The following CFHR2 variants were observed in gnomAD, a reference collection of about 807,000 sequenced individuals.
CFHR2 encodes the protein complement factor H related 2.
CFHR2 carries 22 observed loss-of-function variants against 21.7 expected under a neutral mutation model. The observed-to-expected ratio is 1.01, with a 90% CI of 0.72 to 1.45. The LOEUF is 1.45. Ranked by LOEUF, CFHR2 falls within the 40% of genes most tolerant of loss-of-function variation. CFHR2 has a pLI of 0.00. For synonymous variants in CFHR2, 98 were observed against 97.4 expected, an observed-to-expected ratio of 1.01 and a Z score of -0.04; for missense variants, 294 against 293.3, an observed-to-expected ratio of 1.00 and a Z score of -0.02.
chr1:196,958,043 G>A lies in CFHR2; in HGVS notation c.583G>A (p.Gly195Arg), dbSNP rs1292253345. 5.0e-6 allele frequency: 8 copies of A among 1,613,418 alleles called. No individual in the cohort carries two copies. The highest frequency in any genetic ancestry group is 5.9e-6 in the Non-Finnish European group (7 of 1,179,578). The change falls in exon 4 of 5, where the codon GGA becomes AGA. Residue 195 changes from glycine (G) to arginine (R), a missense_variant. Gly to Arg is a moderately radical substitution (Grantham distance 125, BLOSUM62 -2). Transcript: ENST00000367415. ...TAACAATCAAATAACATGTAGAAAC[G>A]GACAATGGTCAGAACCACCAAAATG... ...EGNNQITCRN[G>R]QWSEPPKCLD...
chr1:196,948,844 C>A (rs1336027583), intron 1 of CFHR2, among the ~76,000 whole-genome samples: 1 of 151,798 alleles, frequency 6.6e-6, no homozygotes, highest in African/African-American at 2.4e-5. Flanking sequence ...ACAACATTAA[C>A]CAGAATTTAG....
At chr1:196,953,740 C>T (rs1190229049) in intron 3 of CFHR2, among the ~76,000 whole-genome samples, 1 of 152,064 alleles carries the variant, frequency 6.6e-6, no homozygotes, top group African/African-American at 2.4e-5. Flanking sequence ...GTGGGATTTG[C>T]TTGAGTAAAC....
intron 4 of CFHR2, among the ~76,000 whole-genome samples, chr1:196,958,415 T>A (rs9427937): frequency 0.011 from 1,570 of 145,182 alleles, 8 homozygotes; most frequent in African/African-American, 0.025. Flanking sequence ...TGTGTGTGTG[T>A]GAGAGAGAGA....
chr1:196,947,129 ATGTGTGTGTGTG>A (rs60284392), intron 1 of CFHR2, among the ~76,000 whole-genome samples: 1 of 148,556 alleles, frequency 6.7e-6, no homozygotes, highest in Non-Finnish European at 1.5e-5. Context: ...GTATATATGT[ATGTGTGTGTGTG>A]TGTGTGTGTG....
At chr1:196,958,136 T>G in intron 4 of CFHR2, 63 bp downstream of exon 4, 1 of 1,492,590 alleles carries the variant, frequency 6.7e-7, no homozygotes, top group Non-Finnish European at 9.3e-7. Context: ...GATATTTCAC[T>G]GTTTGTAATA....
chr1:196,955,258 C>T (rs1329784404), intron 3 of CFHR2, among the ~76,000 whole-genome samples: 1 of 152,160 alleles, frequency 6.6e-6, no homozygotes, highest in Non-Finnish European at 1.5e-5. Flanking sequence ...GCTCCAGTTC[C>T]TAATAAGTTT....
chr1:196,958,123 T>G, intron 4 of CFHR2, 50 bp downstream of exon 4: 1 of 1,533,230 alleles, frequency 6.5e-7, no homozygotes, highest in Non-Finnish European at 9.0e-7. Context: ...GTGTGATGAG[T>G]CTGATATTTC....
In CFHR2 at chr1:196,949,775, G is replaced by A. The variant is rs116822481; in HGVS notation, c.253+126G>A. The A allele has an allele frequency of 1.5e-3, 1,762 of 1,206,790 alleles. 21 individuals are homozygous for A. In the African/African-American group the frequency reaches 0.024, roughly 16 times the overall value. 74.8% of individuals were successfully genotyped at this position (1,206,790 alleles called of 1,614,324 possible). ...CAGAGGAGCTGGAAAGATGGGAGAT[G>A]TAGTCCTTCTATTTTGAGATGGCTC... On this transcript the variant is annotated intron_variant, in intron 2 of 4. Coordinates refer to ENST00000367415, the MANE Select transcript of CFHR2 (RefSeq NM_005666.4).
Position 196,958,021 on chromosome 1 carries a change from C to T in CFHR2, c.561C>T (p.Asn187=). 2 of 1,613,618 alleles carry T rather than the reference C, an allele frequency of 1.2e-6. No homozygotes were observed. The highest frequency in any genetic ancestry group is 8.5e-7 in the Non-Finnish European group (1 of 1,179,714). Residue 187 remains asparagine (N), a synonymous_variant, in exon 4 of 5, where the codon AAC becomes AAT. Transcript: ENST00000367415. ...QCQNLYQLEG[N]NQITCRNGQW... is the part of the protein sequence containing the mutation. ...AGAACTTGTATCAACTTGAGGGTAA[C>T]AATCAAATAACATGTAGAAACGGAC...
chr1:196,946,978 G>A (rs911076341), intron 1 of CFHR2, among the ~76,000 whole-genome samples: 18 of 152,154 alleles, frequency 1.2e-4, no homozygotes, highest in African/African-American at 4.3e-4. Flanking sequence ...AAACATGTGA[G>A]TAATATATTA....
chr1:196,949,699 A>C, intron 2 of CFHR2, 50 bp downstream of exon 2: 1 of 1,603,006 alleles, frequency 6.2e-7, no homozygotes, highest in Non-Finnish European at 8.5e-7. Context: ...TGAACAGAGA[A>C]GGATATGCCA....
intron 1 of CFHR2, among the ~76,000 whole-genome samples, chr1:196,947,127 GTA>G (rs1025654495): frequency 1.8e-4 from 26 of 147,990 alleles, no homozygotes; most frequent in Admixed American, 6.0e-4. Context: ...CTGTATATAT[GTA>G]TGTGTGTGTG....
chr1:196,957,986 T>C lies in CFHR2; in HGVS notation c.526T>C (p.Tyr176His), dbSNP rs751574384. ...ATATGCTCCAGGTTCATCAGTTGAG[T>C]ACCAGTGCCAGAACTTGTATCAACT... ...SVYAPGSSVE[Y>H]QCQNLYQLEG... is the part of the protein sequence containing the mutation. Residue 176 changes from tyrosine (Y) to histidine (H), a missense_variant, in exon 4 of 5, where the codon TAC becomes CAC. Tyr to His is a moderately conservative substitution (Grantham distance 83). Coordinates refer to ENST00000367415, the MANE Select transcript of CFHR2 (RefSeq NM_005666.4). 5 of 1,613,564 alleles carry C rather than the reference T, an allele frequency of 3.1e-6. No homozygotes were observed. The highest frequency in any genetic ancestry group is 1.7e-5 in the Admixed American group (1 of 59,994).
chr1:196,947,924 T>C (rs1209375321), intron 1 of CFHR2, among the ~76,000 whole-genome samples: 1 of 152,134 alleles, frequency 6.6e-6, no homozygotes, highest in Non-Finnish European at 1.5e-5. Context: ...GGAAGTGGTA[T>C]ATAGAAATCT....
At chr1:196,948,339 G>C (rs1275820694) in intron 1 of CFHR2, among the ~76,000 whole-genome samples, 1 of 152,054 alleles carries the variant, frequency 6.6e-6, no homozygotes, top group South Asian at 2.1e-4. Flanking sequence ...TTAGTGGCAT[G>C]ATCTCGGCTC....
intron 4 of CFHR2, 40 bp from the exon 5 acceptor site, chr1:196,958,841 T>A (rs1653006229): frequency 7.7e-7 from 1 of 1,303,132 alleles, no homozygotes; most frequent in East Asian, 2.4e-5. Flanking sequence ...AAGATTTGCA[T>A]ACTACTTAAT....
In CFHR2 at chr1:196,953,266, A is replaced by AC. The variant is rs2125010539; in HGVS notation, c.430+2238_430+2239insC. On this transcript the variant is annotated intron_variant, in intron 3 of 4. Coordinates refer to ENST00000367415, the MANE Select transcript of CFHR2 (RefSeq NM_005666.4). ...AGATTATTTATTTATTTATTTATTT[A>AC]TTTATTTACTTACTTATTTACTTAT... Among the ~76,000 whole-genome samples, 3 of 151,924 alleles carry AC rather than the reference A, an allele frequency of 2.0e-5. No homozygotes were observed. In the East Asian group the frequency reaches 5.8e-4, roughly 29 times the overall value.
chr1:196,959,318 C>T lies in CFHR2; in HGVS notation c.*238C>T, dbSNP rs542039712. 2 of 408,976 alleles carry T rather than the reference C, an allele frequency of 4.9e-6. No individual in the cohort carries two copies. The highest frequency in any genetic ancestry group is 3.3e-5 in the South Asian group (1 of 30,292). The allele number at this position is 408,976 out of a possible 1,614,324, so 25.3% of individuals were successfully genotyped here. A position where few individuals can be genotyped will look rare whatever the true frequency, so the allele number is the denominator to read the frequency against. On this transcript the variant is annotated 3_prime_UTR_variant, in exon 5 of 5. Coordinates refer to ENST00000367415, the MANE Select transcript of CFHR2 (RefSeq NM_005666.4). ...TTTTTTTTCTTTTTAAAAAAATTGA[C>T]AATAACTGTATATATTCATGGAGTA... is the stretch of plus-strand genomic sequence containing the variant.
intron 1 of CFHR2, 46 bp from the exon 2 acceptor site, chr1:196,949,409 T>C (rs772102124): frequency 2.0e-6 from 3 of 1,532,094 alleles, no homozygotes; most frequent in Admixed American, 3.6e-5. Context: ...GTGATTTATT[T>C]ATGTAGCTTA....
Sources: allele counts gnomAD v4.1 joint callset (sites outside exome capture counted in the v4.1 genomes callset), GRCh38; gene constraint gnomAD v4.1.1; transcripts MANE v1.5; gene names NCBI Gene and HGNC (gene_info 2026-07-23, HGNC 2026-07-21).